PRAME: variants seen among roughly 807,000 people sequenced by gnomAD.
PRAME encodes the protein PRAME nuclear receptor transcriptional regulator.
PRAME carries 21 observed loss-of-function variants against 32.1 expected under a neutral mutation model. The observed-to-expected ratio is 0.65, with a 90% CI of 0.46 to 0.94. PRAME has a LOEUF of 0.94. PRAME is among the 40% of genes least tolerant of loss of function. The pLI is 0.00. For missense variants in PRAME, 651 were observed against 622.3 expected, an observed-to-expected ratio of 1.05 and a Z score of -0.49; for synonymous variants, 274 against 251.5, an observed-to-expected ratio of 1.09 and a Z score of -0.85.
chr22:22,548,324 T>C lies in PRAME; in HGVS notation c.1273A>G (p.Ser425Gly). Residue 425 changes from serine (S) to glycine (G), a missense_variant, in exon 6 of 6, where the codon AGT becomes GGT. Ser to Gly is a moderately conservative substitution (Grantham distance 56). Coordinates refer to ENST00000405655, the MANE Select transcript of PRAME (RefSeq NM_206956.3). ...GNSISISALQ[S>G]LLQHLIGLSN... ...AGCCCGATGAGGTGCTGCAGGAGACTCTGCAGGGCAGATATGGAGATGGAA... is the reference window on the plus strand; with the variant it reads ...AGCCCGATGAGGTGCTGCAGGAGACCCTGCAGGGCAGATATGGAGATGGAA... The C allele has an allele frequency of 1.9e-6, 3 of 1,613,698 alleles. No homozygotes were observed. The highest frequency in any genetic ancestry group is 1.3e-5 in the African/African-American group (1 of 74,980).
rs778431032 is a variant in PRAME, at chr22:22,548,234, G to A, written c.1363C>T (p.Leu455Phe). 31 of 1,613,738 alleles carry A rather than the reference G, an allele frequency of 1.9e-5. No individual in the cohort carries two copies. The highest frequency in any genetic ancestry group is 2.4e-5 in the Non-Finnish European group (28 of 1,179,976). The part of the protein sequence containing the change: ...LESYEDIHGT[L>F]HLERLAYLHA... ...AGATAGGCAAGCCTCTCCAGGTGGA[G>A]GGTACCATGGATGTCCTCATAACTC... is the stretch of plus-strand genomic sequence containing the variant. Residue 455 changes from leucine to phenylalanine, a missense_variant, in exon 6 of 6, where the codon CTC (leucine) becomes TTC (phenylalanine). Physicochemically the swap from Leu to Phe is conservative, Grantham distance 22. Coordinates refer to ENST00000405655, the MANE Select transcript of PRAME (RefSeq NM_206956.3).
In PRAME at chr22:22,547,987, C is replaced by G; in HGVS notation, c.*80G>C. 58 of 1,413,140 alleles carry G rather than the reference C, an allele frequency of 4.1e-5. No individual in the cohort carries two copies. Among genetic ancestry groups the G allele is most frequent in the Middle Eastern group, 1.8e-4 (1 of 5,412 alleles). 87.5% of individuals were successfully genotyped at this position (1,413,140 alleles called of 1,614,324 possible). On this transcript the variant is annotated 3_prime_UTR_variant, in exon 6 of 6. Transcript: ENST00000405655. ...GAACATTTGTCTGAAACTGTGGCTG[C>G]TTTGTTGCTTCAAGATGCATGCACA... is the stretch of plus-strand genomic sequence containing the variant.
In PRAME at chr22:22,547,824, C is replaced by G; in HGVS notation, c.*243G>C. ...AGAAATTCAGATTCTATTTCTAACT[C>G]TATAAGATGTATCTCCCCAAAGATC... On this transcript the variant is annotated 3_prime_UTR_variant, in exon 6 of 6. Coordinates refer to ENST00000405655, the MANE Select transcript of PRAME (RefSeq NM_206956.3). 1 of 563,272 alleles carries G rather than the reference C, an allele frequency of 1.8e-6. No homozygotes were observed. Among genetic ancestry groups the G allele is most frequent in the Non-Finnish European group, 3.1e-6 (1 of 320,132 alleles). The allele number at this position is 563,272 out of a possible 1,614,324, so 34.9% of individuals were successfully genotyped here.
chr22:22,549,414 G>C (rs1250239081), intron 5 of PRAME, among the ~76,000 whole-genome samples: 1 of 151,712 alleles, frequency 6.6e-6, no homozygotes, highest in Non-Finnish European at 1.5e-5. Context: ...GCTTACTTTT[G>C]ATCATCTTAG....
At chr22:22,552,198 T>C (rs1279243784) in intron 3 of PRAME, among the ~76,000 whole-genome samples, 8 of 150,750 alleles carry the variant, frequency 5.3e-5, no homozygotes, top group Admixed American at 5.3e-4. Flanking sequence ...AAAAAATCTA[T>C]GGAATATTTT....
At chr22:22,556,012 A>ATT (rs2062892100) in intron 3 of PRAME, 4 of 388,074 alleles carry the variant, frequency 1.0e-5, no homozygotes, top group African/African-American at 2.4e-5. Flanking sequence ...TTTTTTTTGG[A>ATT]GGAGGAGTTT....
intron 3 of PRAME, chr22:22,553,706 C>T: frequency 1.2e-6 from 1 of 833,314 alleles, no homozygotes; most frequent in Non-Finnish European, 1.4e-6. Flanking sequence ...GGTGACCAAA[C>T]CTAGGACAGC....
In PRAME at chr22:22,550,796, A is replaced by C. The variant is rs762805713; in HGVS notation, c.315T>G (p.Asp105Glu). The change falls in exon 4 of 6, where the codon GAT becomes GAG. Residue 105 changes from aspartate to glutamate, a missense_variant. Coordinates refer to ENST00000405655, the MANE Select transcript of PRAME (RefSeq NM_206956.3). ...GGCGAACCTCCTGGGCAAGGAGCACATCAAGTCCATCAAGCACAGCTTTGA... is the reference window on the plus strand; with the variant it reads ...GGCGAACCTCCTGGGCAAGGAGCACCTCAAGTCCATCAAGCACAGCTTTGA... ...ETFKAVLDGL[D>E]VLLAQEVRPR... 1.2e-6 allele frequency: 2 copies of C among 1,603,392 alleles called. No individual in the cohort carries two copies. The highest frequency in any genetic ancestry group is 1.7e-6 in the Non-Finnish European group (2 of 1,172,964).
Position 22,550,291 on chromosome 22 carries a change from G to C in PRAME, c.388C>G (p.Gln130Glu). Residue 130 changes from glutamine to glutamate, a missense_variant, in exon 5 of 6, where the codon CAG becomes GAG. Coordinates refer to ENST00000405655, the MANE Select transcript of PRAME (RefSeq NM_206956.3). ...CCAGACCATACAGTCCAGAAGTCCT[G>C]ATGAGAGTTCTTCCGTAAATCCAGC... ...QVLDLRKNSH[Q>E]DFWTVWSGNR... The C allele has an allele frequency of 1.2e-6, 2 of 1,613,410 alleles. No homozygotes were observed. Among genetic ancestry groups the C allele is most frequent in the Non-Finnish European group, 1.7e-6 (2 of 1,179,862 alleles).
chr22:22,555,498 A>C (rs575197278), intron 3 of PRAME, among the ~76,000 whole-genome samples: 2 of 151,964 alleles, frequency 1.3e-5, no homozygotes, highest in African/African-American at 4.8e-5. Context: ...TAGGCCTCCC[A>C]AAGTGTTGAG....
chr22:22,548,266 G>A lies in PRAME; in HGVS notation c.1331C>T (p.Pro444Leu). 1 of 1,613,834 alleles carries A rather than the reference G, an allele frequency of 6.2e-7. No individual in the cohort carries two copies. The highest frequency in any genetic ancestry group is 8.5e-7 in the Non-Finnish European group (1 of 1,179,962). ...SNLTHVLYPV[P>L]LESYEDIHGT... ...ATGGATGTCCTCATAACTCTCCAGG[G>A]GGACAGGATACAGCACGTGGGTCAG... The change falls in exon 6 of 6, where the codon CCC becomes CTC. Residue 444 changes from proline (P) to leucine (L), a missense_variant. Transcript: ENST00000405655.
At chr22:22,549,649 T>TA in intron 5 of PRAME, 77 bp downstream of exon 5, 1 of 1,494,898 alleles carries the variant, frequency 6.7e-7, no homozygotes, top group Non-Finnish European at 8.9e-7. Flanking sequence ...GGCTGGCACA[T>TA]ACAAGATATC....
chr22:22,549,982 C>A lies in PRAME; in HGVS notation c.697G>T (p.Asp233Tyr). ...IKMILKMVQL[D>Y]SIEDLEVTCT... ...GTCACTTCCAAATCTTCAATAGAGT[C>A]CAGCTGCACCATTTTCAGGATCATC... Residue 233 changes from aspartate (D) to tyrosine (Y), a missense_variant, in exon 5 of 6, where the codon GAC becomes TAC. By Grantham distance (160) the Asp-to-Tyr change is radical (BLOSUM62 -3). Transcript: ENST00000405655. The A allele has an allele frequency of 1.2e-6, 2 of 1,613,880 alleles. No homozygotes were observed. Among genetic ancestry groups the A allele is most frequent in the Non-Finnish European group, 8.5e-7 (1 of 1,179,978 alleles).
At position 22,550,773 on chromosome 22, in the gene PRAME, C is replaced by A. The variant is rs771542086; in HGVS notation, c.338G>T (p.Arg113Leu). 4 of 1,578,402 alleles carry A rather than the reference C, an allele frequency of 2.5e-6. 1 individual carries two copies. The highest frequency in any genetic ancestry group is 2.3e-5 in the South Asian group (2 of 85,346). The change falls in exon 4 of 6, where the codon CGC (arginine) becomes CTC (leucine). Residue 113 changes from arginine (R) to leucine (L), a missense_variant. Physicochemically the swap from Arg to Leu is moderately radical, Grantham distance 102. Transcript: ENST00000405655. ...GCTGCTAGGTCACCCTTACCTGGGG[C>A]GAACCTCCTGGGCAAGGAGCACATC... is the stretch of plus-strand genomic sequence containing the variant. ...GLDVLLAQEV[R>L]PRRWKLQVLD...
rs41277507 is a variant in PRAME at position 22,550,027 on chromosome 22, T to C, written c.652A>G (p.Met218Val). 0.039 allele frequency: 63,289 copies of C among 1,613,820 alleles called. 1,470 individuals carry two copies. The highest frequency in any genetic ancestry group is 0.046 in the Non-Finnish European group (54,564 of 1,179,918). Residue 218 changes from methionine to valine, a missense_variant, in exon 5 of 6, where the codon ATG (methionine) becomes GTG (valine). Met to Val is a conservative substitution (Grantham distance 21, BLOSUM62 1). Transcript: ENST00000405655. ...LCCKKLKIFAMPMQDIKMILK... is the reference protein window; with the variant it reads ...LCCKKLKIFAVPMQDIKMILK... ...ATCATCTTGATATCCTGCATGGGCATTGCAAAAATCTTCAGCTTCTTACAG... is the reference window on the plus strand; with the variant it reads ...ATCATCTTGATATCCTGCATGGGCACTGCAAAAATCTTCAGCTTCTTACAG...
intron 3 of PRAME, chr22:22,553,925 C>G: frequency 3.0e-6 from 3 of 985,114 alleles, no homozygotes; most frequent in Non-Finnish European, 3.6e-6. Context: ...ATGGCCAGCC[C>G]CTTCCTAAGT....
chr22:22,549,696 G>C, intron 5 of PRAME, 30 bp downstream of exon 5: 2 of 1,560,758 alleles, frequency 1.3e-6, no homozygotes, highest in African/African-American at 1.4e-5. Flanking sequence ...GGCTTGCTCT[G>C]GTCTGCAGAG....
chr22:22,555,818 C>T (rs1238767069), intron 3 of PRAME: 2 of 465,828 alleles, frequency 4.3e-6, no homozygotes, highest in East Asian at 1.4e-4. Flanking sequence ...TTGCTCACTT[C>T]CCAGGACCGA....
Position 22,548,563 on chromosome 22 carries a change from C to T in PRAME, c.1034G>A (p.Ser345Asn). The T allele has an allele frequency of 6.2e-7, 1 of 1,613,286 alleles. No individual in the cohort carries two copies. Among genetic ancestry groups the T allele is most frequent in the Non-Finnish European group, 8.5e-7 (1 of 1,179,934 alleles). The change falls in exon 6 of 6, where the codon AGT becomes AAT. Residue 345 changes from serine to asparagine, a missense_variant. Coordinates refer to ENST00000405655, the MANE Select transcript of PRAME (RefSeq NM_206956.3). ...GACACTTAGCTGACTGACGCTGGGA[C>T]TCTGGGACAGATGCATCACATCCCC... Reference protein sequence around the residue: ...SEGDVMHLSQSPSVSQLSVLS... With the variant: ...SEGDVMHLSQNPSVSQLSVLS...
Sources: gnomAD v4.1 joint callset for allele counts (sites outside exome capture counted in the v4.1 genomes callset) on GRCh38, gnomAD v4.1.1 for gene constraint, MANE v1.5 for transcripts, NCBI Gene and HGNC (gene_info 2026-07-23, HGNC 2026-07-21) for gene names.